ENTPD1: variants seen among roughly 807,000 people sequenced by gnomAD.
ENTPD1 encodes ectonucleoside triphosphate diphosphohydrolase 1, also known as ATP diphosphohydrolase.
A neutral mutation model predicts 57.0 loss-of-function variants in ENTPD1; 33 were observed. The observed-to-expected ratio is 0.58, with a 90% CI of 0.44 to 0.77. The LOEUF is 0.77. ENTPD1 is among the 30% of genes least tolerant of loss of function. ENTPD1 has a pLI of 0.00. For missense variants in ENTPD1, 501 were observed against 603.4 expected, an observed-to-expected ratio of 0.83 and a Z score of 1.78; for synonymous variants, 202 against 218.8, an observed-to-expected ratio of 0.92 and a Z score of 0.68.
intron 1 of ENTPD1, among the ~76,000 whole-genome samples, chr10:95,720,175 T>C (rs1267476963): frequency 6.6e-6 from 1 of 152,158 alleles, no homozygotes; most frequent in Non-Finnish European, 1.5e-5. Context: ...AAGGGGGTAC[T>C]GCCTTTGGTA....
the ENTPD1 span, among the ~76,000 whole-genome samples, chr10:95,704,452 T>C: frequency 6.6e-5 from 10 of 152,194 alleles, 2 homozygotes; most frequent in Admixed American, 5.2e-4. Flanking sequence ...GATCAACAAA[T>C]AGATCAATGG....
intron 2 of ENTPD1, 108 bp from the exon 3 acceptor site, chr10:95,839,583 A>G: frequency 8.9e-7 from 1 of 1,124,908 alleles, no homozygotes; most frequent in East Asian, 2.3e-5. Context: ...TGTTCCTCTC[A>G]AATACTTTCT....
intron 1 of ENTPD1, among the ~76,000 whole-genome samples, chr10:95,717,949 C>T (rs919828265): frequency 6.6e-6 from 1 of 152,152 alleles, no homozygotes; most frequent in African/African-American, 2.4e-5. Flanking sequence ...CTGGAAGAGG[C>T]AAACTTAACA....
chr10:95,769,003 AG>A (rs1015634917), intron 1 of ENTPD1, among the ~76,000 whole-genome samples: 1 of 152,202 alleles, frequency 6.6e-6, no homozygotes, highest in African/African-American at 2.4e-5. Context: ...GGTTCTGTTC[AG>A]GTCTTGGAAA....
chr10:95,849,665 CT>C (rs1163836158), intron 7 of ENTPD1, among the ~76,000 whole-genome samples: 2 of 152,266 alleles, frequency 1.3e-5, no homozygotes, highest in Non-Finnish European at 2.9e-5. Context: ...AAACCACAGT[CT>C]ACCCTCCCCT....
At chr10:95,695,296 A>G in the ENTPD1 span, among the ~76,000 whole-genome samples, 2 of 152,160 alleles carry the variant, frequency 1.3e-5, no homozygotes, top group Admixed American at 1.3e-4. Context: ...GATGATCAAA[A>G]TATTGCTCCT....
chr10:95,729,056 A>G (rs2097986626), intron 1 of ENTPD1, among the ~76,000 whole-genome samples: 1 of 152,078 alleles, frequency 6.6e-6, no homozygotes, highest in Non-Finnish European at 1.5e-5. Context: ...GTTCATCTGC[A>G]TGTTTTTTCA....
rs569305411 is a variant in ENTPD1, at chr10:95,862,166, G to C, written c.1188+1584G>C. Among the ~76,000 whole-genome samples the C allele has an allele frequency of 5.6e-4, 86 of 152,216 alleles. 3 individuals carry two copies. The South Asian group carries it at 8.5e-3, about 15-fold the overall frequency. On this transcript the variant is annotated intron_variant, in intron 8 of 9. Coordinates refer to ENST00000371205, the MANE Select transcript of ENTPD1 (RefSeq NM_001776.6). Reference sequence around the variant, plus strand: ...GAGGCCCTGGAAGTAAGCTAAGAAGGGCCTGCATTTGGGAGAATTCCTGAA... The same window carrying C: ...GAGGCCCTGGAAGTAAGCTAAGAAGCGCCTGCATTTGGGAGAATTCCTGAA...
At chr10:95,751,787 G>A (rs1465444947), upstream of ENTPD1, among the ~76,000 whole-genome samples, 7 of 152,032 alleles carry the variant, frequency 4.6e-5, no homozygotes, top group African/African-American at 1.7e-4. Context: ...ACAGAGTACA[G>A]TTTGGATGCT....
At chr10:95,816,506 AG>A (rs773473247) in intron 1 of ENTPD1, among the ~76,000 whole-genome samples, 43 of 152,322 alleles carry the variant, frequency 2.8e-4, no homozygotes, top group Non-Finnish European at 2.5e-4. Flanking sequence ...TCTTGAATTT[AG>A]GGTGGGCCCT....
At chr10:95,797,699 C>T (rs2098232226) in intron 1 of ENTPD1, among the ~76,000 whole-genome samples, 1 of 152,104 alleles carries the variant, frequency 6.6e-6, no homozygotes, top group South Asian at 2.1e-4. Context: ...AAACAACCAG[C>T]TCTTGTGTGA....
intron 1 of ENTPD1, among the ~76,000 whole-genome samples, chr10:95,764,446 C>T (rs1193942061): frequency 6.6e-6 from 1 of 152,144 alleles, no homozygotes; most frequent in Non-Finnish European, 1.5e-5. Flanking sequence ...CTATGTTTAA[C>T]CATTTGATGA....
At chr10:95,759,310 T>C (rs1017009081) in intron 1 of ENTPD1, among the ~76,000 whole-genome samples, 2 of 152,200 alleles carry the variant, frequency 1.3e-5, no homozygotes, top group African/African-American at 4.8e-5. Context: ...TTTTCAGAGC[T>C]AATGTAACCC....
At chr10:95,798,165 T>G (rs1175044412) in intron 1 of ENTPD1, among the ~76,000 whole-genome samples, 1 of 152,130 alleles carries the variant, frequency 6.6e-6, no homozygotes. Context: ...ATGTCAAATG[T>G]CAGATTGCAC....
intron 1 of ENTPD1, among the ~76,000 whole-genome samples, chr10:95,795,782 G>A (rs1331955431): frequency 1.3e-5 from 2 of 152,192 alleles, no homozygotes; most frequent in East Asian, 3.8e-4. Context: ...TCCTTAATCA[G>A]AATGACTGAT....
chr10:95,700,207 T>G, the ENTPD1 span, among the ~76,000 whole-genome samples: 1 of 152,164 alleles, frequency 6.6e-6, no homozygotes, highest in African/African-American at 2.4e-5. Flanking sequence ...TCTTGGAAAT[T>G]AAAACTATTA....
chr10:95,796,385 A>G (rs149221702), intron 1 of ENTPD1, among the ~76,000 whole-genome samples: 1 of 152,344 alleles, frequency 6.6e-6, no homozygotes, highest in East Asian at 1.9e-4. Context: ...GTGATAACAC[A>G]TAAACTAACA....
chr10:95,782,898 G>A (rs1040744300), intron 1 of ENTPD1, among the ~76,000 whole-genome samples: 5 of 152,098 alleles, frequency 3.3e-5, no homozygotes, highest in African/African-American at 1.2e-4. Context: ...AGAATGTCTG[G>A]GTTAAAAAGA....
chr10:95,801,779 T>C (rs1316109395), intron 1 of ENTPD1, among the ~76,000 whole-genome samples: 4 of 152,180 alleles, frequency 2.6e-5, no homozygotes, highest in Non-Finnish European at 4.4e-5. Context: ...TCCAGCTTTG[T>C]TCTTTTTGCT....
Sources: gnomAD v4.1 joint callset for allele counts (sites outside exome capture counted in the v4.1 genomes callset) on GRCh38, gnomAD v4.1.1 for gene constraint, MANE v1.5 for transcripts, NCBI Gene and HGNC (gene_info 2026-07-23, HGNC 2026-07-21) for gene names.